The following NBAS variants were observed in gnomAD, a reference collection of about 807,000 sequenced individuals.
NBAS encodes NBAS subunit of NRZ tethering complex.
NBAS carries 219 observed loss-of-function variants against 302.5 expected under a neutral mutation model. The observed-to-expected ratio is 0.72, with a 90% CI of 0.65 to 0.81. NBAS has a LOEUF of 0.81. NBAS is among the 30% of genes least tolerant of loss of function. NBAS has a pLI of 0.00. For synonymous variants in NBAS, 1,118 were observed against 1,021.6 expected, an observed-to-expected ratio of 1.09 and a Z score of -1.80; for missense variants, 2,932 against 2,841.6, an observed-to-expected ratio of 1.03 and a Z score of -0.72.
At chr2:15,451,970 G>T (rs1289811893) in intron 21 of NBAS, among the ~76,000 whole-genome samples, 1 of 150,926 alleles carries the variant, frequency 6.6e-6, no homozygotes, top group Non-Finnish European at 1.5e-5. Flanking sequence ...TTCACCAGAA[G>T]TATATCATAC....
At chr2:14,923,514 A>T in the NBAS span, among the ~76,000 whole-genome samples, 7 of 152,210 alleles carry the variant, frequency 4.6e-5, no homozygotes, top group Non-Finnish European at 1.0e-4. Flanking sequence ...CAGCAGTCCC[A>T]TGGTGAACCA....
chr2:14,837,065 C>T, the NBAS span, among the ~76,000 whole-genome samples: 26 of 151,732 alleles, frequency 1.7e-4, no homozygotes, highest in African/African-American at 6.0e-4. Context: ...TCTGTCAAAC[C>T]TCTTAGATTT....
At chr2:15,302,793 A>G (rs1440607842) in intron 40 of NBAS, among the ~76,000 whole-genome samples, 4 of 152,228 alleles carry the variant, frequency 2.6e-5, no homozygotes, top group Admixed American at 6.5e-5. Flanking sequence ...CCCACCCTCA[A>G]TGTGGGTGAG....
Position 15,467,656 on chromosome 2 carries a change from T to A in NBAS, c.2018+8A>T, listed in dbSNP as rs1679780586. 1 of 1,610,258 alleles carries A rather than the reference T, an allele frequency of 6.2e-7. No individual in the cohort carries two copies. The highest frequency in any genetic ancestry group is 1.7e-5 in the Admixed American group (1 of 59,894). ...AAACTATCAAATGAACAGTAACAAC[T>A]CATTTACTTGGAAAAGTTCACTAAT... On this transcript the variant is annotated splice_region_variant and intron_variant, in intron 18 of 51. Transcript: ENST00000281513.
At chr2:15,090,381 T>C in the NBAS span, among the ~76,000 whole-genome samples, 1 of 152,216 alleles carries the variant, frequency 6.6e-6, no homozygotes, top group African/African-American at 2.4e-5. Context: ...ACATAAGACA[T>C]ACGTATCTGG....
the NBAS span, among the ~76,000 whole-genome samples, chr2:14,866,718 G>A: frequency 6.6e-6 from 1 of 152,042 alleles, no homozygotes; most frequent in African/African-American, 2.4e-5. Context: ...GACCACTGAA[G>A]GCATAAGAGA....
chr2:15,317,131 C>T (rs1208449219), intron 38 of NBAS, among the ~76,000 whole-genome samples: 2 of 152,218 alleles, frequency 1.3e-5, no homozygotes, highest in Admixed American at 6.5e-5. Context: ...CTCCAGCAAA[C>T]TCCAACGGAC....
the NBAS span, among the ~76,000 whole-genome samples, chr2:15,115,375 T>C: frequency 6.6e-6 from 1 of 152,226 alleles, no homozygotes; most frequent in Non-Finnish European, 1.5e-5. Flanking sequence ...TTTGATTATT[T>C]AGGTAAATCT....
chr2:15,174,060 G>C (rs1664419578), intron 51 of NBAS, among the ~76,000 whole-genome samples: 1 of 152,346 alleles, frequency 6.6e-6, no homozygotes, highest in African/African-American at 2.4e-5. Context: ...GACCTGCAGA[G>C]TGAGCTGCCT....
chr2:15,265,744 A>G (rs1669047935), intron 44 of NBAS, among the ~76,000 whole-genome samples: 1 of 152,230 alleles, frequency 6.6e-6, no homozygotes, highest in Non-Finnish European at 1.5e-5. Context: ...ACTTTATAGT[A>G]CAGAACTGCC....
the NBAS span, among the ~76,000 whole-genome samples, chr2:14,805,891 T>C: frequency 6.6e-6 from 1 of 152,178 alleles, no homozygotes; most frequent in African/African-American, 2.4e-5. Flanking sequence ...TAATCTCTGT[T>C]TTCATAGCTC....
At chr2:14,827,221 G>T in the NBAS span, among the ~76,000 whole-genome samples, 364 of 152,248 alleles carry the variant, frequency 2.4e-3, 1 homozygote, top group African/African-American at 8.6e-3. Context: ...AAAAGAAACT[G>T]CATCTTACTC....
At chr2:14,955,524 A>T in the NBAS span, among the ~76,000 whole-genome samples, 4 of 152,328 alleles carry the variant, frequency 2.6e-5, no homozygotes, top group South Asian at 8.3e-4. Flanking sequence ...GAGGTTCTCC[A>T]TGAGGTCTCT....
the NBAS span, among the ~76,000 whole-genome samples, chr2:15,146,235 T>C: frequency 3.3e-5 from 5 of 152,096 alleles, no homozygotes; most frequent in Non-Finnish European, 5.9e-5. Context: ...CCCTATTTCA[T>C]AGAGTTGTGG....
chr2:15,499,089 C>A (rs1681183726), intron 11 of NBAS, among the ~76,000 whole-genome samples: 1 of 152,036 alleles, frequency 6.6e-6, no homozygotes, highest in Non-Finnish European at 1.5e-5. Flanking sequence ...CCACCACACC[C>A]AGCTAATTTT....
intron 2 of NBAS, 99 bp from the exon 3 acceptor site, chr2:15,556,918 G>T: frequency 1.1e-6 from 1 of 921,034 alleles, no homozygotes; most frequent in Non-Finnish European, 1.7e-6. Context: ...ATACTACAGA[G>T]CGAGTCATTA....
intron 7 of NBAS, among the ~76,000 whole-genome samples, chr2:15,536,789 T>C (rs576079085): frequency 3.3e-5 from 5 of 152,264 alleles, no homozygotes; most frequent in African/African-American, 1.2e-4. Flanking sequence ...TTGAAGAAGA[T>C]GTTCACCTAC....
chr2:15,082,792 C>G, the NBAS span, among the ~76,000 whole-genome samples: 4 of 152,228 alleles, frequency 2.6e-5, no homozygotes, highest in African/African-American at 9.6e-5. Flanking sequence ...CTCCCATTTA[C>G]TCCTCCTGGT....
chr2:14,898,672 C>G, the NBAS span, among the ~76,000 whole-genome samples: 1 of 152,172 alleles, frequency 6.6e-6, no homozygotes, highest in Non-Finnish European at 1.5e-5. Flanking sequence ...TCAGGGGTTT[C>G]TGCTTTTATG....
Sources: allele counts gnomAD v4.1 joint callset (sites outside exome capture counted in the v4.1 genomes callset), GRCh38; gene constraint gnomAD v4.1.1; transcripts MANE v1.5; gene names NCBI Gene and HGNC (gene_info 2026-07-23, HGNC 2026-07-21).